PRR16: variants seen among roughly 807,000 people sequenced by gnomAD.
PRR16 encodes the protein protein Largen.
PRR16 carries 6 observed loss-of-function variants against 18.2 expected under a neutral mutation model. The observed-to-expected ratio is 0.33, with a 90% confidence interval of 0.18 to 0.65. PRR16 has a LOEUF of 0.65. Among genes scored for constraint, PRR16 ranks in the 30% least tolerant of loss-of-function variants. The probability of loss-of-function intolerance (pLI) is 0.74; values close to 1 mark genes in which losing one functional copy is unlikely to be tolerated. For missense variants in PRR16, 412 were observed against 376.6 expected (o/e 1.09, Z -0.78); for synonymous variants, 151 against 147.8 (o/e 1.02, Z -0.16).
intron 1 of PRR16, among the ~76,000 whole-genome samples, chr5:120,586,539 T>C (rs182705083): frequency 6.6e-6 from 1 of 152,184 alleles, no homozygotes; most frequent in East Asian, 1.9e-4. Context: ...ATTTTGGTAA[T>C]CCCTACAATA....
intron 1 of PRR16, among the ~76,000 whole-genome samples, chr5:120,519,590 T>G (rs1751107416): frequency 6.6e-6 from 1 of 152,194 alleles, no homozygotes; most frequent in Non-Finnish European, 1.5e-5. Context: ...CATATGATGT[T>G]AAAAGGCCAG....
chr5:120,464,775 G>C, intron 1 of PRR16, 130 bp downstream of exon 1: 7 of 981,816 alleles, frequency 7.1e-6, no homozygotes, highest in Non-Finnish European at 1.0e-5. Context: ...CCTGCAGACG[G>C]ACTTTCTTTG....
intron 1 of PRR16, among the ~76,000 whole-genome samples, chr5:120,650,390 C>T (rs1377110804): frequency 1.3e-5 from 2 of 150,630 alleles, no homozygotes; most frequent in Non-Finnish European, 2.9e-5. Context: ...AGGTTTGTTA[C>T]ATATGTATAC....
At chr5:120,730,270 TA>T in the PRR16 span, among the ~76,000 whole-genome samples, 1 of 152,100 alleles carries the variant, frequency 6.6e-6, no homozygotes, top group East Asian at 1.9e-4. Context: ...GCTTTTAAGG[TA>T]AGCAAAAGAA....
At chr5:120,661,069 C>A (rs967954193) in intron 1 of PRR16, among the ~76,000 whole-genome samples, 1 of 152,130 alleles carries the variant, frequency 6.6e-6, no homozygotes, top group African/African-American at 2.4e-5. Flanking sequence ...ATTTTCTTCA[C>A]AATGTGTAGA....
chr5:120,664,816 G>A (rs10463474), intron 1 of PRR16, among the ~76,000 whole-genome samples: 124,888 of 138,038 alleles, frequency 0.9, 57,809 homozygotes, highest in East Asian at 1. Context: ...ATAGTATTCC[G>A]TGGTGTATAT....
At chr5:120,758,523 C>T in the PRR16 span, among the ~76,000 whole-genome samples, 1 of 152,244 alleles carries the variant, frequency 6.6e-6, no homozygotes, top group East Asian at 1.9e-4. Flanking sequence ...ATTGTAATCC[C>T]CGCATATTGA....
chr5:120,473,705 A>G (rs1749347177), intron 1 of PRR16, among the ~76,000 whole-genome samples: 2 of 152,214 alleles, frequency 1.3e-5, no homozygotes, highest in Non-Finnish European at 2.9e-5. Flanking sequence ...TTCTAGGGAT[A>G]TAGTGGGGAA....
At position 120,484,237 on chromosome 5, in the gene PRR16, C is replaced by T. The variant is rs74913941; in HGVS notation, c.159+19592C>T. 6.2e-4 allele frequency among the ~76,000 whole-genome samples: 92 copies of T among 149,436 alleles called. No homozygotes were observed. The East Asian group carries it at 0.018, about 29-fold the overall frequency. ...ATGTGAGGCAAATGTATAAAACATTCGAAATGATTACCGACTCTAGTACTG... is the reference window on the plus strand; with the variant it reads ...ATGTGAGGCAAATGTATAAAACATTTGAAATGATTACCGACTCTAGTACTG... On this transcript the variant is annotated intron_variant, in intron 1 of 1. Coordinates refer to ENST00000407149, the MANE Select transcript of PRR16 (RefSeq NM_001300783.2).
intron 1 of PRR16, among the ~76,000 whole-genome samples, chr5:120,508,585 C>T (rs189294839): frequency 6.6e-6 from 1 of 152,192 alleles, no homozygotes; most frequent in East Asian, 1.9e-4. Context: ...ATGGTGTTAG[C>T]CCCTCCCCAT....
chr5:120,557,648 G>C (rs1752457632), intron 1 of PRR16, among the ~76,000 whole-genome samples: 2 of 151,918 alleles, frequency 1.3e-5, no homozygotes, highest in South Asian at 4.1e-4. Flanking sequence ...GCAAAACAAA[G>C]GGTTTGATTA....
At chr5:120,598,286 T>A (rs1251850274) in intron 1 of PRR16, among the ~76,000 whole-genome samples, 4 of 151,890 alleles carry the variant, frequency 2.6e-5, no homozygotes, top group Non-Finnish European at 4.4e-5. Flanking sequence ...ATGTAGGCAA[T>A]TTTTGTTAGT....
the PRR16 span, among the ~76,000 whole-genome samples, chr5:120,759,529 T>C: frequency 1.3e-5 from 2 of 151,940 alleles, no homozygotes; most frequent in Non-Finnish European, 2.9e-5. Context: ...GGAGGAGGCA[T>C]AGAGGGTTGA....
intron 1 of PRR16, among the ~76,000 whole-genome samples, chr5:120,496,465 A>T (rs10064950): frequency 0.3 from 44,824 of 151,504 alleles, 7,679 homozygotes; most frequent in African/African-American, 0.48. Context: ...CTGATGTATT[A>T]AATGTAAGTT....
At chr5:120,775,452 G>T in the PRR16 span, among the ~76,000 whole-genome samples, 1 of 151,648 alleles carries the variant, frequency 6.6e-6, no homozygotes, top group Non-Finnish European at 1.5e-5. Flanking sequence ...CCACCCCCTC[G>T]TCTCTACCCC....
intron 1 of PRR16, among the ~76,000 whole-genome samples, chr5:120,581,660 C>T (rs1483700218): frequency 1.3e-5 from 2 of 152,110 alleles, no homozygotes; most frequent in Non-Finnish European, 2.9e-5. Flanking sequence ...GCATTTAGTG[C>T]TATAAATTTC....
chr5:120,548,311 T>C (rs1160325602), intron 1 of PRR16, among the ~76,000 whole-genome samples: 1 of 152,104 alleles, frequency 6.6e-6, no homozygotes, highest in Non-Finnish European at 1.5e-5. Flanking sequence ...GGTAGATATG[T>C]CAATGTTTTC....
chr5:120,767,288 C>T, the PRR16 span, among the ~76,000 whole-genome samples: 5 of 151,930 alleles, frequency 3.3e-5, no homozygotes, highest in Admixed American at 2.0e-4. Flanking sequence ...CATTGGTTGA[C>T]TTAGTGATGC....
the PRR16 span, among the ~76,000 whole-genome samples, chr5:120,747,796 A>G: frequency 6.6e-6 from 1 of 152,046 alleles, no homozygotes; most frequent in East Asian, 1.9e-4. Context: ...GGAAAGAAAG[A>G]AAGTCATTTA....
Sources: allele counts gnomAD v4.1 joint callset (sites outside exome capture counted in the v4.1 genomes callset), GRCh38; gene constraint gnomAD v4.1.1; transcripts MANE v1.5; gene names NCBI Gene and HGNC (gene_info 2026-07-23, HGNC 2026-07-21).